The following RFX3 variants were observed in gnomAD, a reference collection of about 807,000 sequenced individuals.
The protein encoded by RFX3 is regulatory factor X3.
Under a neutral mutation model 98.6 loss-of-function variants are expected in RFX3, and 14 were observed. The ratio of observed to expected loss-of-function variants is 0.14; its 90% CI spans 0.09 to 0.22. The LOEUF is 0.22. RFX3 is among the 10% of genes least tolerant of loss of function. RFX3 has a pLI of 1.00. For missense variants in RFX3, 639 were observed against 926.9 expected (o/e 0.69, Z 4.03); for synonymous variants, 383 against 328.4 (o/e 1.17, Z -1.80).
At chr9:3,424,461 A>C (rs373044635) in intron 1 of RFX3, among the ~76,000 whole-genome samples, 5,754 of 135,756 alleles carry the variant, frequency 0.042, 370 homozygotes, top group African/African-American at 0.15. Context: ...TCCCGGGTTC[A>C]CGCCATTCTC....
At chr9:3,388,085 C>T (rs540065924) in intron 2 of RFX3, among the ~76,000 whole-genome samples, 33 of 152,134 alleles carry the variant, frequency 2.2e-4, no homozygotes, top group Non-Finnish European at 4.1e-4. Flanking sequence ...ACTTTATCAT[C>T]GGTATAATTC....
rs184194822 is a variant in RFX3, at chr9:3,320,277, G to T, written c.474+9982C>A. 4.4e-3 allele frequency among the ~76,000 whole-genome samples: 669 copies of T among 152,112 alleles called. 6 individuals carry two copies. Among genetic ancestry groups the T allele is most frequent in the African/African-American group, 0.015 (643 of 41,492 alleles). ...TAAAGACATCTTTAGGATTGGCTGG[G>T]CGTGGTGGCTCACGCCTGTAGTCCC... On this transcript the variant is annotated intron_variant, in intron 4 of 16. Coordinates refer to ENST00000617270, the MANE Select transcript of RFX3 (RefSeq NM_001282116.2).
chr9:3,244,197 G>T (rs1221926513), intron 15 of RFX3, among the ~76,000 whole-genome samples: 1 of 151,728 alleles, frequency 6.6e-6, no homozygotes, highest in Non-Finnish European at 1.5e-5. Flanking sequence ...GTAGAGACAG[G>T]GTTTCACCAT....
At chr9:3,255,387 C>T (rs1327014783) in intron 14 of RFX3, among the ~76,000 whole-genome samples, 1 of 152,198 alleles carries the variant, frequency 6.6e-6, no homozygotes, top group African/African-American at 2.4e-5. Context: ...TAGCTTTGGA[C>T]TCACCACTGA....
At position 3,501,764 on chromosome 9, in the gene RFX3, C is replaced by T. The variant is rs1816039355; in HGVS notation, c.-9+23983G>A. Among the ~76,000 whole-genome samples the T allele has an allele frequency of 4.0e-5, 6 of 151,480 alleles. No individual in the cohort carries two copies. The South Asian group carries it at 1.3e-3, about 32-fold the overall frequency. On this transcript the variant is annotated intron_variant, in intron 1 of 16. Transcript: ENST00000617270. ...TAGAGACAGGGCTTCACCACGTTAGCCAGGCTGGTCTCGAACTCCTGGCTT... is the reference window on the plus strand; with the variant it reads ...TAGAGACAGGGCTTCACCACGTTAGTCAGGCTGGTCTCGAACTCCTGGCTT...
At chr9:3,240,581 T>A (rs1035012292) in intron 15 of RFX3, among the ~76,000 whole-genome samples, 1 of 152,168 alleles carries the variant, frequency 6.6e-6, no homozygotes, top group African/African-American at 2.4e-5. Context: ...AGGTTTGAAG[T>A]GCTTGTATTA....
intron 1 of RFX3, among the ~76,000 whole-genome samples, chr9:3,508,246 T>C (rs916365635): frequency 1.3e-5 from 2 of 151,996 alleles, no homozygotes; most frequent in African/African-American, 2.4e-5. Flanking sequence ...CAGTCTAGTA[T>C]TTAGTTACTC....
At chr9:3,271,226 C>T (rs1824387942) in intron 9 of RFX3, 108 bp from the exon 10 acceptor site, 5 of 740,006 alleles carry the variant, frequency 6.8e-6, no homozygotes, top group Non-Finnish European at 1.1e-5. Flanking sequence ...CCCTTGGGGT[C>T]ATAAGTTAAC....
At chr9:3,233,833 C>A (rs906177268) in intron 15 of RFX3, among the ~76,000 whole-genome samples, 3 of 45,194 alleles carry the variant, frequency 6.6e-5, no homozygotes, top group Non-Finnish European at 3.2e-4. Context: ...GTGCCTGGCA[C>A]ATAAGGAAGC....
chr9:3,441,903 A>G (rs1474974444), intron 1 of RFX3, among the ~76,000 whole-genome samples: 1 of 152,122 alleles, frequency 6.6e-6, no homozygotes, highest in East Asian at 1.9e-4. Flanking sequence ...AAGAGTGAAA[A>G]GAATGAACTT....
chr9:3,382,313 T>C (rs1337359054), intron 2 of RFX3, among the ~76,000 whole-genome samples: 3 of 152,238 alleles, frequency 2.0e-5, no homozygotes, highest in Non-Finnish European at 4.4e-5. Context: ...TGTACCTTTG[T>C]ATTTAATTTA....
intron 1 of RFX3, among the ~76,000 whole-genome samples, chr9:3,436,121 T>C (rs1365259026): frequency 6.6e-6 from 1 of 152,068 alleles, no homozygotes; most frequent in Non-Finnish European, 1.5e-5. Flanking sequence ...GACATCTAGA[T>C]AGAAGCAAGC....
chr9:3,337,861 A>T (rs1430442603), intron 3 of RFX3, among the ~76,000 whole-genome samples: 1 of 152,156 alleles, frequency 6.6e-6, no homozygotes, highest in African/African-American at 2.4e-5. Flanking sequence ...AACAGTTTCA[A>T]ATTATGGAGT....
chr9:3,332,283 C>T (rs986578813), intron 3 of RFX3, among the ~76,000 whole-genome samples: 2 of 151,992 alleles, frequency 1.3e-5, no homozygotes, highest in Non-Finnish European at 2.9e-5. Context: ...GGATAGGACC[C>T]ATATCTAAAT....
chr9:3,332,910 C>T (rs1196417242), intron 3 of RFX3, among the ~76,000 whole-genome samples: 1 of 146,270 alleles, frequency 6.8e-6, no homozygotes, highest in Non-Finnish European at 1.5e-5. Flanking sequence ...AACGGAAGCA[C>T]CTTATCTCAA....
chr9:3,427,622 TTA>T (rs1027802499), intron 1 of RFX3, among the ~76,000 whole-genome samples: 1 of 151,620 alleles, frequency 6.6e-6, no homozygotes, highest in East Asian at 1.9e-4. Flanking sequence ...CTGAATTTGT[TTA>T]TGTTTTGTTA....
At chr9:3,415,182 T>C (rs1302748359) in intron 1 of RFX3, among the ~76,000 whole-genome samples, 1 of 139,890 alleles carries the variant, frequency 7.1e-6, no homozygotes, top group East Asian at 2.0e-4. Flanking sequence ...TATATATATA[T>C]ACACATACTC....
chr9:3,380,889 G>C (rs1839119579), intron 2 of RFX3, among the ~76,000 whole-genome samples: 1 of 152,034 alleles, frequency 6.6e-6, no homozygotes, highest in South Asian at 2.1e-4. Context: ...GCTTTAAAGA[G>C]TATGAATTTG....
rs555665638 is a variant in RFX3, at chr9:3,511,943, A to G, written c.-9+13804T>C. On this transcript the variant is annotated intron_variant, in intron 1 of 16. Transcript: ENST00000617270. Reference sequence around the variant, plus strand: ...TTTATTGTACACTTTAAAATAACTAAAAGTATAATTAGAATGTGTGTAACA... The same window carrying G: ...TTTATTGTACACTTTAAAATAACTAGAAGTATAATTAGAATGTGTGTAACA... Among the ~76,000 whole-genome samples the G allele has an allele frequency of 2.6e-5, 4 of 152,174 alleles. No homozygotes were observed. In the East Asian group the frequency reaches 7.7e-4, roughly 29 times the overall value.
Sources: allele counts gnomAD v4.1 joint callset (sites outside exome capture counted in the v4.1 genomes callset), GRCh38; gene constraint gnomAD v4.1.1; transcripts MANE v1.5; gene names NCBI Gene and HGNC (gene_info 2026-07-23, HGNC 2026-07-21).